The following LRRC4C variants were observed in gnomAD, a reference collection of about 807,000 sequenced individuals.
LRRC4C encodes the protein leucine rich repeat containing 4C.
A neutral mutation model predicts 33.6 loss-of-function variants in LRRC4C; 5 were observed. The ratio of observed to expected loss-of-function variants is 0.15; its 90% CI spans 0.08 to 0.31. The LOEUF (loss-of-function observed/expected upper bound fraction) is 0.31. LRRC4C is among the 10% of genes least tolerant of loss of function. The pLI is 1.00. For missense variants in LRRC4C, 560 were observed against 796.7 expected (o/e 0.70, Z 3.58); for synonymous variants, 329 against 302.0 (o/e 1.09, Z -0.93).
At chr11:41,129,684 C>T (rs942771978) in intron 1 of LRRC4C, among the ~76,000 whole-genome samples, 4 of 151,858 alleles carry the variant, frequency 2.6e-5, no homozygotes, top group African/African-American at 9.7e-5. Flanking sequence ...ATTTCCAAGG[C>T]AGATTTCTTA....
At chr11:40,923,944 C>T (rs376326983) in intron 2 of LRRC4C, among the ~76,000 whole-genome samples, 116 of 152,008 alleles carry the variant, frequency 7.6e-4, no homozygotes, top group African/African-American at 2.6e-3. Context: ...TTGATGTTTT[C>T]TGTATTTAGC....
intron 1 of LRRC4C, among the ~76,000 whole-genome samples, chr11:41,240,633 A>AT (rs1948212427): frequency 6.6e-6 from 1 of 152,184 alleles, no homozygotes. Flanking sequence ...ACCGTTTTGC[A>AT]TAAGTGGATT....
At chr11:40,992,525 A>G (rs567834258) in intron 1 of LRRC4C, among the ~76,000 whole-genome samples, 3 of 151,750 alleles carry the variant, frequency 2.0e-5, no homozygotes, top group African/African-American at 7.2e-5. Flanking sequence ...TATTTTCCTG[A>G]CCCTTATCAG....
chr11:40,937,744 G>A (rs1957970239), intron 1 of LRRC4C, among the ~76,000 whole-genome samples: 1 of 151,788 alleles, frequency 6.6e-6, no homozygotes, highest in Non-Finnish European at 1.5e-5. Context: ...CTGTGTTCAG[G>A]CAATTCTCCC....
intron 4 of LRRC4C, among the ~76,000 whole-genome samples, chr11:40,294,603 C>A (rs777108300): frequency 1.3e-5 from 2 of 151,914 alleles, no homozygotes; most frequent in African/African-American, 4.8e-5. Flanking sequence ...CCAAGGTGGG[C>A]GGATCATGAG....
At chr11:40,163,734 G>T (rs774933176) in intron 5 of LRRC4C, among the ~76,000 whole-genome samples, 1 of 152,016 alleles carries the variant, frequency 6.6e-6, no homozygotes, top group Non-Finnish European at 1.5e-5. Context: ...AAGTACAGTA[G>T]GCAGAATTCT....
At chr11:41,349,886 A>C (rs1951919376) in intron 1 of LRRC4C, among the ~76,000 whole-genome samples, 1 of 152,196 alleles carries the variant, frequency 6.6e-6, no homozygotes, top group Admixed American at 6.5e-5. Context: ...TTAACATATG[A>C]TTTAAAAATA....
chr11:41,138,144 C>T (rs1231741774), intron 1 of LRRC4C, among the ~76,000 whole-genome samples: 1 of 152,216 alleles, frequency 6.6e-6, no homozygotes, highest in Non-Finnish European at 1.5e-5. Context: ...TACTAGTTTG[C>T]ATTTGGAGCA....
chr11:41,249,356 G>A (rs1591060525), intron 1 of LRRC4C, among the ~76,000 whole-genome samples: 1 of 152,084 alleles, frequency 6.6e-6, no homozygotes, highest in East Asian at 1.9e-4. Flanking sequence ...TCTTATACTT[G>A]GATTCTTGCA....
chr11:40,433,079 A>G (rs1228135874), intron 3 of LRRC4C, among the ~76,000 whole-genome samples: 1 of 152,172 alleles, frequency 6.6e-6, no homozygotes, highest in Non-Finnish European at 1.5e-5. Flanking sequence ...CCAAATACAC[A>G]CACTTACACA....
intron 3 of LRRC4C, among the ~76,000 whole-genome samples, chr11:40,324,361 T>G (rs1479326472): frequency 6.6e-6 from 1 of 152,176 alleles, no homozygotes; most frequent in Admixed American, 6.5e-5. Flanking sequence ...AAAAGAGGCC[T>G]TAGTAAATCC....
chr11:41,240,157 A>C (rs1470495764), intron 1 of LRRC4C, among the ~76,000 whole-genome samples: 2 of 152,232 alleles, frequency 1.3e-5, no homozygotes, highest in African/African-American at 2.4e-5. Context: ...CACAAACAAA[A>C]AGGGAAAATG....
chr11:41,082,240 C>A (rs1259703854), intron 1 of LRRC4C, among the ~76,000 whole-genome samples: 1 of 152,102 alleles, frequency 6.6e-6, no homozygotes, highest in African/African-American at 2.4e-5. Context: ...CTCAGAGACA[C>A]GATATACGTG....
chr11:40,859,528 AATAG>A (rs1325870324), intron 2 of LRRC4C, among the ~76,000 whole-genome samples: 2 of 152,138 alleles, frequency 1.3e-5, no homozygotes, highest in African/African-American at 4.8e-5. Flanking sequence ...ACAAGTTACA[AATAG>A]ATACTGTGCA....
intron 3 of LRRC4C, among the ~76,000 whole-genome samples, chr11:40,390,286 A>C (rs1199714662): frequency 6.6e-6 from 1 of 152,226 alleles, no homozygotes; most frequent in Non-Finnish European, 1.5e-5. Flanking sequence ...ATCTCATTAA[A>C]GAAAACAAGG....
chr11:41,167,017 T>C (rs1166902129), intron 1 of LRRC4C, among the ~76,000 whole-genome samples: 1 of 152,212 alleles, frequency 6.6e-6, no homozygotes, highest in African/African-American at 2.4e-5. Context: ...GAGCTTTATG[T>C]GTTTTATTAC....
At chr11:40,994,524 A>T (rs1853823004) in intron 1 of LRRC4C, among the ~76,000 whole-genome samples, 1 of 152,050 alleles carries the variant, frequency 6.6e-6, no homozygotes, top group Admixed American at 6.6e-5. Flanking sequence ...TTAGACTTGG[A>T]CCTTGCTCCT....
chr11:41,012,497 T>TA (rs1855278901), intron 1 of LRRC4C, among the ~76,000 whole-genome samples: 1 of 152,196 alleles, frequency 6.6e-6, no homozygotes, highest in African/African-American at 2.4e-5. Context: ...GATTAGGACT[T>TA]ACACTGATTC....
chr11:41,150,222 G>T (rs1943928375), intron 1 of LRRC4C, among the ~76,000 whole-genome samples: 1 of 152,034 alleles, frequency 6.6e-6, no homozygotes, highest in Non-Finnish European at 1.5e-5. Flanking sequence ...ATTCCATTTA[G>T]CTCAAAAAAC....
Sources: allele counts gnomAD v4.1 joint callset (sites outside exome capture counted in the v4.1 genomes callset), GRCh38; gene constraint gnomAD v4.1.1; transcripts MANE v1.5; gene names NCBI Gene and HGNC (gene_info 2026-07-23, HGNC 2026-07-21).